GASK1A: variants seen among roughly 807,000 people sequenced by gnomAD.
GASK1A encodes Golgi-associated kinase 1A.
A neutral mutation model predicts 41.2 loss-of-function variants in GASK1A; 40 were observed. The ratio of observed to expected loss-of-function variants is 0.97; its 90% CI spans 0.75 to 1.27. GASK1A has a LOEUF of 1.27. GASK1A is among the 50% of genes most tolerant of loss of function. The pLI is 0.00. For synonymous variants in GASK1A, 316 were observed against 307.1 expected (o/e 1.03, Z -0.30); for missense variants, 678 against 745.1 (o/e 0.91, Z 1.05).
At position 43,032,599 on chromosome 3, in the gene GASK1A, C is replaced by T. The variant is rs1355490204; in HGVS notation, c.336C>T (p.Leu112=). 6.4e-7 allele frequency: 1 copy of T among 1,551,632 alleles called. No individual in the cohort carries two copies. Among genetic ancestry groups the T allele is most frequent in the Non-Finnish European group, 8.7e-7 (1 of 1,146,932 alleles). The change falls in exon 2 of 5, where the codon CTC becomes CTT. Residue 112 remains leucine (L), a synonymous_variant. Coordinates refer to ENST00000430121, the MANE Select transcript of GASK1A (RefSeq NM_001129908.3). ...GCAGGGAGTCCCCAGGAGGGGACCT[C>T]AGGCATCCAGGGAGGGTGAGGAGGG... ...DRSRESPGGD[L]RHPGRVRRDI...
intron 4 of GASK1A, chr3:43,055,832 C>G (rs1028402504): frequency 2.1e-6 from 1 of 473,744 alleles, no homozygotes; most frequent in African/African-American, 1.9e-5. Flanking sequence ...GCCAGAGAGT[C>G]TACCCCTCCC....
intron 2 of GASK1A, among the ~76,000 whole-genome samples, chr3:43,040,031 G>GT (rs1186173649): frequency 6.6e-6 from 1 of 152,068 alleles, no homozygotes; most frequent in Non-Finnish European, 1.5e-5. Context: ...AATGTACATT[G>GT]TTAAAATGAC....
intron 1 of GASK1A, among the ~76,000 whole-genome samples, chr3:42,993,925 G>T (rs1383744560): frequency 6.6e-6 from 1 of 152,106 alleles, no homozygotes; most frequent in Non-Finnish European, 1.5e-5. Flanking sequence ...TTATCTCCCG[G>T]AATCCTCATC....
chr3:43,030,804 T>C (rs2089571219), intron 1 of GASK1A, among the ~76,000 whole-genome samples: 1 of 152,140 alleles, frequency 6.6e-6, no homozygotes, highest in South Asian at 2.1e-4. Flanking sequence ...TCGGGGTCCC[T>C]GGATAGATAT....
intron 1 of GASK1A, among the ~76,000 whole-genome samples, chr3:43,005,545 G>C (rs1388885696): frequency 6.6e-6 from 1 of 152,150 alleles, no homozygotes; most frequent in African/African-American, 2.4e-5. Flanking sequence ...GGCTATTGGA[G>C]TACTGCATTG....
intron 2 of GASK1A, among the ~76,000 whole-genome samples, chr3:43,042,195 G>A (rs1356926524): frequency 6.6e-6 from 1 of 151,814 alleles, no homozygotes; most frequent in African/African-American, 2.4e-5. Context: ...CAGGTCAGGC[G>A]CAGTGGCTTA....
At chr3:42,989,327 C>G (rs1158700684) in intron 1 of GASK1A, among the ~76,000 whole-genome samples, 2 of 152,204 alleles carry the variant, frequency 1.3e-5, no homozygotes, top group Non-Finnish European at 2.9e-5. Context: ...TCTGTGCAAT[C>G]TCTTCCTTCT....
chr3:43,050,638 C>T (rs976084486), intron 2 of GASK1A, among the ~76,000 whole-genome samples: 5 of 152,202 alleles, frequency 3.3e-5, no homozygotes, highest in Middle Eastern at 3.4e-3. Flanking sequence ...TAAAACTCCT[C>T]TTATATATAT....
rs568294092 is a variant in GASK1A, at chr3:43,056,503, G to A, written c.*117G>A. ...AGCCAGAGGGGCACAAGGATGTCAC[G>A]GGATATTTCACCTGCCTGGGATGGT... On this transcript the variant is annotated 3_prime_UTR_variant, in exon 5 of 5. Transcript: ENST00000430121. 6.1e-5 allele frequency: 56 copies of A among 911,516 alleles called. No individual in the cohort carries two copies. The highest frequency in any genetic ancestry group is 3.7e-4 in the African/African-American group (22 of 59,954). 56.5% of individuals were successfully genotyped at this position (911,516 alleles called of 1,614,324 possible). A position where few individuals can be genotyped will look rare whatever the true frequency, so the allele number is the denominator to read the frequency against.
Position 43,031,011 on chromosome 3 carries a change from T to A in GASK1A, c.4-1256T>A, listed in dbSNP as rs145436687. Among the ~76,000 whole-genome samples, 353 of 152,356 alleles carry A rather than the reference T, an allele frequency of 2.3e-3. 3 individuals are homozygous for A. Among genetic ancestry groups the A allele is most frequent in the African/African-American group, 8.1e-3 (337 of 41,588 alleles). On this transcript the variant is annotated intron_variant, in intron 1 of 4. Coordinates refer to ENST00000430121, the MANE Select transcript of GASK1A (RefSeq NM_001129908.3). ...GTTTGTTTTGTGGGTGTTGTTTCTT[T>A]GACACCTTTAAAATTCTGTTTACCC...
chr3:42,998,076 G>A (rs2089386310), intron 1 of GASK1A, among the ~76,000 whole-genome samples: 1 of 152,198 alleles, frequency 6.6e-6, no homozygotes, highest in Non-Finnish European at 1.5e-5. Flanking sequence ...CAGGCACACT[G>A]CTGCTGACCA....
chr3:43,034,445 C>T lies in GASK1A; in HGVS notation c.1290+892C>T, dbSNP rs114569531. Among the ~76,000 whole-genome samples, 1,021 of 152,284 alleles carry T rather than the reference C, an allele frequency of 6.7e-3. 8 individuals are homozygous for T. The highest frequency in any genetic ancestry group is 0.023 in the African/African-American group (965 of 41,548). On this transcript the variant is annotated intron_variant, in intron 2 of 4. Transcript: ENST00000430121. ...CTGTTAACAACCAGTGTGGCTGTTCCGGTGCCCATGAGCTGGACCTCAGCC... is the reference window on the plus strand; with the variant it reads ...CTGTTAACAACCAGTGTGGCTGTTCTGGTGCCCATGAGCTGGACCTCAGCC...
intron 1 of GASK1A, among the ~76,000 whole-genome samples, chr3:43,015,234 G>A (rs1296209434): frequency 2.0e-5 from 3 of 151,204 alleles, no homozygotes; most frequent in African/African-American, 7.3e-5. Flanking sequence ...GCAGTGGGAA[G>A]TCACAGGAAG....
At chr3:43,054,076 C>A in intron 3 of GASK1A, 1 of 324,546 alleles carries the variant, frequency 3.1e-6, no homozygotes, top group Non-Finnish European at 6.1e-6. Context: ...CAGTGGCTCA[C>A]AGGCTGGTGC....
intron 3 of GASK1A, chr3:43,054,057 C>T (rs912494992): frequency 5.9e-6 from 2 of 336,952 alleles, no homozygotes; most frequent in East Asian, 7.6e-5. Flanking sequence ...GGGCATGAAC[C>T]CAAGACTGCA....
intron 2 of GASK1A, among the ~76,000 whole-genome samples, chr3:43,043,819 GA>G (rs1031254213): frequency 5.3e-5 from 8 of 152,146 alleles, no homozygotes; most frequent in African/African-American, 1.7e-4. Flanking sequence ...TCAAAAAGGG[GA>G]AAAAAATCAA....
At chr3:42,981,574 T>A (rs1005721057) in intron 1 of GASK1A, among the ~76,000 whole-genome samples, 9 of 152,084 alleles carry the variant, frequency 5.9e-5, no homozygotes, top group Non-Finnish European at 7.4e-5. Context: ...CAGCCCTGAC[T>A]CAGGCTGCCC....
intron 1 of GASK1A, among the ~76,000 whole-genome samples, chr3:43,002,060 T>C (rs2089412268): frequency 6.6e-6 from 1 of 152,242 alleles, no homozygotes; most frequent in African/African-American, 2.4e-5. Context: ...ATCAGCTTAC[T>C]ATTCTGGTGT....
intron 1 of GASK1A, among the ~76,000 whole-genome samples, chr3:42,996,353 T>G (rs1022329446): frequency 6.6e-6 from 1 of 152,206 alleles, no homozygotes; most frequent in Non-Finnish European, 1.5e-5. Context: ...TAGTGTTTAG[T>G]AGAGTGATTT....
Sources: gnomAD v4.1 joint callset for allele counts (sites outside exome capture counted in the v4.1 genomes callset) on GRCh38, gnomAD v4.1.1 for gene constraint, MANE v1.5 for transcripts, NCBI Gene and HGNC (gene_info 2026-07-23, HGNC 2026-07-21) for gene names.